Variants in RALYL observed in about 807,000 individuals in gnomAD.
The protein encoded by RALYL is RNA-binding Raly-like protein.
RALYL carries 29 observed loss-of-function variants against 35.1 expected under a neutral mutation model. The observed-to-expected ratio is 0.83, with a 90% CI of 0.61 to 1.13. The LOEUF (loss-of-function observed/expected upper bound fraction) is 1.13. RALYL is among the 50% of genes most tolerant of loss of function. RALYL has a pLI of 0.00. For missense variants in RALYL, 359 were observed against 360.4 expected, an observed-to-expected ratio of 1.00 and a Z score of 0.03; for synonymous variants, 120 against 127.6, an observed-to-expected ratio of 0.94 and a Z score of 0.40.
At chr8:84,292,126 CAAAT>C (rs1336793374) in intron 1 of RALYL, among the ~76,000 whole-genome samples, 4 of 151,472 alleles carry the variant, frequency 2.6e-5, no homozygotes, top group Admixed American at 6.6e-5. Flanking sequence ...TGTGGAGAAA[CAAAT>C]AAGAAGAAGA....
At chr8:84,430,447 G>A (rs317943) in intron 1 of RALYL, among the ~76,000 whole-genome samples, 1 of 151,776 alleles carries the variant, frequency 6.6e-6, no homozygotes, top group Non-Finnish European at 1.5e-5. Flanking sequence ...TTTTCTCTTT[G>A]TTCAAATAGA....
intron 1 of RALYL, among the ~76,000 whole-genome samples, chr8:84,285,177 C>T (rs549558013): frequency 1.4e-4 from 21 of 152,294 alleles, no homozygotes; most frequent in Non-Finnish European, 1.9e-4. Flanking sequence ...GGCTCCGTGT[C>T]ATCACTCTTA....
rs190690068 is a variant in RALYL at position 84,617,327 on chromosome 8, C to G, written c.256+87750C>G. ...CTTCACATCCCTTGTAAGTTGGATT[C>G]CTAGGTATTTTATTTTCTTTGAAGC... On this transcript the variant is annotated intron_variant, in intron 2 of 8. Coordinates refer to ENST00000521268, the MANE Select transcript of RALYL (RefSeq NM_173848.7). Among the ~76,000 whole-genome samples the G allele has an allele frequency of 9.9e-3, 1,495 of 151,396 alleles. 67 individuals are homozygous for G. Among genetic ancestry groups the G allele is most frequent in the African/African-American group, 0.034 (1,384 of 40,774 alleles).
rs369874649 is a variant in RALYL, at chr8:84,416,949, A to G, written c.-23-112350A>G. Among the ~76,000 whole-genome samples, 91 of 152,286 alleles carry G rather than the reference A, an allele frequency of 6.0e-4. No homozygotes were observed. In the South Asian group the frequency reaches 0.014, roughly 24 times the overall value. On this transcript the variant is annotated intron_variant, in intron 1 of 8. Coordinates refer to ENST00000521268, the MANE Select transcript of RALYL (RefSeq NM_173848.7). ...CTTGGTATAGGGAAAATAAGCTACC[A>G]AATAACCAACCAACATTTTAACTTC...
At chr8:84,331,188 T>C (rs189950710) in intron 1 of RALYL, among the ~76,000 whole-genome samples, 1 of 152,264 alleles carries the variant, frequency 6.6e-6, no homozygotes, top group Non-Finnish European at 1.5e-5. Flanking sequence ...ACTGAACTTA[T>C]GTCAGTAGTC....
At chr8:84,623,656 C>A (rs911407586) in intron 2 of RALYL, among the ~76,000 whole-genome samples, 8 of 151,962 alleles carry the variant, frequency 5.3e-5, no homozygotes, top group Admixed American at 1.3e-4. Flanking sequence ...AACAGCAATT[C>A]GAAGAAGTTT....
intron 8 of RALYL, among the ~76,000 whole-genome samples, chr8:84,903,183 G>T (rs755512182): frequency 6.6e-6 from 1 of 152,054 alleles, no homozygotes; most frequent in Admixed American, 6.6e-5. Context: ...CTGTTGAGCT[G>T]GGGTATAGTG....
chr8:84,435,216 A>T (rs1404806384), intron 1 of RALYL, among the ~76,000 whole-genome samples: 1 of 152,156 alleles, frequency 6.6e-6, no homozygotes, highest in Non-Finnish European at 1.5e-5. Flanking sequence ...ACCAGAGCTT[A>T]CTAGCCTACA....
At chr8:84,278,169 C>T (rs982471982) in intron 1 of RALYL, among the ~76,000 whole-genome samples, 3 of 152,208 alleles carry the variant, frequency 2.0e-5, no homozygotes. Flanking sequence ...GGTTCCCAAA[C>T]ATCAATTATT....
At chr8:84,388,531 A>C (rs1859803084) in intron 1 of RALYL, among the ~76,000 whole-genome samples, 1 of 152,100 alleles carries the variant, frequency 6.6e-6, no homozygotes, top group East Asian at 1.9e-4. Context: ...AATGACTGCC[A>C]TTTAATTGGT....
At chr8:84,629,301 T>G (rs1023853100) in intron 2 of RALYL, among the ~76,000 whole-genome samples, 4 of 152,068 alleles carry the variant, frequency 2.6e-5, no homozygotes, top group Admixed American at 6.6e-5. Flanking sequence ...AAACTTTTCT[T>G]TAATGGACAG....
At chr8:84,816,154 A>G (rs1300458442) in intron 4 of RALYL, among the ~76,000 whole-genome samples, 3 of 152,198 alleles carry the variant, frequency 2.0e-5, no homozygotes, top group African/African-American at 7.2e-5. Context: ...AGTTATTACA[A>G]CTTTTTAATG....
chr8:84,422,370 T>C (rs1310564644), intron 1 of RALYL, among the ~76,000 whole-genome samples: 5 of 131,318 alleles, frequency 3.8e-5, no homozygotes, highest in African/African-American at 1.6e-4. Context: ...TGGTAGTTTG[T>C]ATTTCTGTGG....
intron 2 of RALYL, among the ~76,000 whole-genome samples, chr8:84,601,346 C>G (rs541212803): frequency 6.6e-6 from 1 of 152,094 alleles, no homozygotes; most frequent in African/African-American, 2.4e-5. Flanking sequence ...AGCTACAATG[C>G]CTAGGGAAAG....
chr8:84,606,672 T>A (rs1817214706), intron 2 of RALYL, among the ~76,000 whole-genome samples: 1 of 152,152 alleles, frequency 6.6e-6, no homozygotes, highest in African/African-American at 2.4e-5. Context: ...TGCTTCTAAG[T>A]GTCTATCCAA....
At position 84,231,996 on chromosome 8, in the gene RALYL, A is replaced by G. The variant is rs920327909; in HGVS notation, c.-24+47572A>G. On this transcript the variant is annotated intron_variant, in intron 1 of 8. Transcript: ENST00000521268. ...AGGTGACATTTAGGATCATCATGGA[A>G]AAGGCAGATTATTCCAAAAAAAGGC... 7.2e-5 allele frequency among the ~76,000 whole-genome samples: 11 copies of G among 152,184 alleles called. No individual in the cohort carries two copies. In the South Asian group the frequency reaches 2.1e-3, roughly 29 times the overall value.
intron 2 of RALYL, among the ~76,000 whole-genome samples, chr8:84,717,228 T>G (rs1309438999): frequency 6.6e-6 from 1 of 152,174 alleles, no homozygotes; most frequent in Admixed American, 6.6e-5. Flanking sequence ...GATTCTCTTT[T>G]TGGTCTCTGA....
intron 1 of RALYL, among the ~76,000 whole-genome samples, chr8:84,265,243 A>G (rs566552755): frequency 1.3e-5 from 2 of 152,334 alleles, no homozygotes; most frequent in South Asian, 2.1e-4. Flanking sequence ...GATTAAGGAT[A>G]TGGACGTTGA....
At chr8:84,763,396 C>T (rs1813146409) in intron 2 of RALYL, among the ~76,000 whole-genome samples, 1 of 152,142 alleles carries the variant, frequency 6.6e-6, no homozygotes, top group Non-Finnish European at 1.5e-5. Context: ...ACTAAATAAA[C>T]TCTTGGGATG....
Sources: allele counts gnomAD v4.1 joint callset (sites outside exome capture counted in the v4.1 genomes callset), GRCh38; gene constraint gnomAD v4.1.1; transcripts MANE v1.5; gene names NCBI Gene and HGNC (gene_info 2026-07-23, HGNC 2026-07-21).